The following EDC4 variants were observed in gnomAD, a reference collection of about 807,000 sequenced individuals.
EDC4 encodes enhancer of mRNA-decapping protein 4.
A neutral mutation model predicts 155.8 loss-of-function variants in EDC4; 64 were observed. The observed-to-expected ratio is 0.41, with a 90% CI of 0.34 to 0.51. EDC4 has a LOEUF of 0.51. EDC4 is among the 20% of genes least tolerant of loss of function. The pLI is 0.19. For missense variants in EDC4, 1,303 were observed against 1,812.5 expected, an observed-to-expected ratio of 0.72 and a Z score of 5.10; for synonymous variants, 684 against 716.8, an observed-to-expected ratio of 0.95 and a Z score of 0.73.
Position 67,881,960 on chromosome 16 carries a change from G to A in EDC4, c.3011G>A (p.Arg1004Gln), listed in dbSNP as rs181868536. Residue 1004 changes from arginine (R) to glutamine (Q), a missense_variant, in exon 23 of 29, where the codon CGG becomes CAG. Physicochemically the swap from Arg to Gln is conservative, Grantham distance 43. Transcript: ENST00000358933. The surrounding 1 kb of genome is among the most constrained non-coding windows in gnomAD (Gnocchi z 5.4). ...TTCCTTAGCTATGGCGCAGAGCGGC[G>A]GCTGGAGCGAGCACTGGCTGAGGGG... The part of the protein sequence containing the change: ...LETRHEQEQR[R>Q]LERALAEGQQ... 8.1e-6 allele frequency: 13 copies of A among 1,607,024 alleles called. No individual in the cohort carries two copies. The highest frequency in any genetic ancestry group is 4.4e-5 in the South Asian group (4 of 90,702).
Position 67,881,315 on chromosome 16 carries a change from G to A in EDC4, c.2687G>A (p.Gly896Asp). Reference sequence around the variant, plus strand: ...CTTGCCTCTGCTTCAGGAGGCTTTGGCACCAAAGTTCCTGCTCCACGGCTG... The same window carrying A: ...CTTGCCTCTGCTTCAGGAGGCTTTGACACCAAAGTTCCTGCTCCACGGCTG... ...ASLASASGGF[G>D]TKVPAPRLPA... is the part of the protein sequence containing the mutation. The change falls in exon 20 of 29, where the codon GGC (glycine) becomes GAC (aspartate). Residue 896 changes from glycine to aspartate, a missense_variant. Coordinates refer to ENST00000358933, the MANE Select transcript of EDC4 (RefSeq NM_014329.5). This position sits in a 1 kb window ranked among gnomAD's most constrained non-coding sequence, Gnocchi z 5.4. 3.1e-6 allele frequency: 5 copies of A among 1,614,126 alleles called. No homozygotes were observed. The highest frequency in any genetic ancestry group is 4.2e-6 in the Non-Finnish European group (5 of 1,180,036).
chr16:67,882,076 A>G lies in EDC4; in HGVS notation c.3127A>G (p.Ile1043Val), dbSNP rs760443316. The G allele has an allele frequency of 1.2e-6, 2 of 1,613,824 alleles. No individual in the cohort carries two copies. The highest frequency in any genetic ancestry group is 1.7e-6 in the Non-Finnish European group (2 of 1,179,982). ...TGTAGCTGGGCGGCTAGAGCGCAGC[A>G]TACGGGATGAGATCAAGAAGACAGT... ...SAVAGRLERS[I>V]RDEIKKTVPP... Residue 1043 changes from isoleucine to valine, a missense_variant, in exon 23 of 29, where the codon ATA (isoleucine) becomes GTA (valine). Ile to Val is a conservative substitution (Grantham distance 29). Coordinates refer to ENST00000358933, the MANE Select transcript of EDC4 (RefSeq NM_014329.5). The surrounding 1 kb of genome is among the most constrained non-coding windows in gnomAD (Gnocchi z 7.2).
Position 67,876,929 on chromosome 16 carries a change from C to T in EDC4, c.408C>T (p.Asn136=), listed in dbSNP as rs1349592010. ...YDWEQKYYYG[N]LIAVSNSFLA... Reference sequence around the variant, plus strand: ...GGGAACAGAAGTACTACTATGGCAACCTGATTGCTGTGTCTAACTCCTTCT... The same window carrying T: ...GGGAACAGAAGTACTACTATGGCAATCTGATTGCTGTGTCTAACTCCTTCT... The change falls in exon 4 of 29, where the codon AAC becomes AAT. Residue 136 remains asparagine, a synonymous_variant. Transcript: ENST00000358933. This position sits in a 1 kb window ranked among gnomAD's most constrained non-coding sequence, Gnocchi z 5.8. 6.2e-7 allele frequency: 1 copy of T among 1,614,244 alleles called. No individual in the cohort carries two copies. The highest frequency in any genetic ancestry group is 1.7e-5 in the Admixed American group (1 of 60,026).
chr16:67,882,903 A>G lies in EDC4; in HGVS notation c.3629+38A>G. 1.9e-6 allele frequency: 3 copies of G among 1,614,098 alleles called. No homozygotes were observed. Among genetic ancestry groups the G allele is most frequent in the Non-Finnish European group, 2.5e-6 (3 of 1,179,954 alleles). ...AGTACTGGGCAAGGTGGTGGGCTTG[A>G]GAAAGGCCAGACTAGGCTCCCTGTC... On this transcript the variant is annotated intron_variant, in intron 26 of 28. Transcript: ENST00000358933. This position sits in a 1 kb window ranked among gnomAD's most constrained non-coding sequence, Gnocchi z 7.2.
rs1567392055 is a variant in EDC4 at position 67,882,657 on chromosome 16, A to AG, written c.3443-21dup. On this transcript the variant is annotated intron_variant, in intron 25 of 28. Transcript: ENST00000358933. The surrounding 1 kb of genome is among the most constrained non-coding windows in gnomAD (Gnocchi z 7.2). ...TCCTCTTTCCTACTGTTCCTCTTAT[A>AG]GTCCCTGTGGTCACCCCTCAGACTT... is the stretch of plus-strand genomic sequence containing the variant. 2 of 1,614,200 alleles carry AG rather than the reference A, an allele frequency of 1.2e-6. No individual in the cohort carries two copies. The highest frequency in any genetic ancestry group is 1.7e-6 in the Non-Finnish European group (2 of 1,180,032).
At position 67,879,182 on chromosome 16, in the gene EDC4, G is replaced by A; in HGVS notation, c.1468+45G>A. The A allele has an allele frequency of 6.2e-7, 1 of 1,614,194 alleles. No individual in the cohort carries two copies. On this transcript the variant is annotated intron_variant, in intron 12 of 28. Coordinates refer to ENST00000358933, the MANE Select transcript of EDC4 (RefSeq NM_014329.5). This position sits in a 1 kb window ranked among gnomAD's most constrained non-coding sequence, Gnocchi z 6.0. ...GAGCTATGTGTCCATATATCTAGGG[G>A]GTTGTGGAGGCACAGAGAGGGCCAG...
chr16:67,878,334 C>T lies in EDC4; in HGVS notation c.1005-26C>T, dbSNP rs1225076479. 3 of 1,614,240 alleles carry T rather than the reference C, an allele frequency of 1.9e-6. No homozygotes were observed. Among genetic ancestry groups the T allele is most frequent in the Admixed American group, 3.3e-5 (2 of 60,024 alleles). On this transcript the variant is annotated intron_variant, in intron 8 of 28. Transcript: ENST00000358933. The surrounding 1 kb of genome is among the most constrained non-coding windows in gnomAD (Gnocchi z 5.2). ...GAGGTAGCCCACCCGACCACTCACT[C>T]AGGCCCCTCATCTGCCTACCTGCAG...
rs1350523478 is a variant in EDC4, at chr16:67,884,176, G to T, written c.*28G>T. On this transcript the variant is annotated 3_prime_UTR_variant, in exon 29 of 29. Transcript: ENST00000358933. This position sits in a 1 kb window ranked among gnomAD's most constrained non-coding sequence, Gnocchi z 4.1. Reference sequence around the variant, plus strand: ...GCTAAGCCTGCCTTGCCCAGGGGTGGGATGGCACTGAAGGCCAGCAGACAG... The same window carrying T: ...GCTAAGCCTGCCTTGCCCAGGGGTGTGATGGCACTGAAGGCCAGCAGACAG... 3.2e-6 allele frequency: 5 copies of T among 1,574,642 alleles called. 1 individual carries two copies. The highest frequency in any genetic ancestry group is 1.7e-5 in the Admixed American group (1 of 57,616).
Position 67,878,131 on chromosome 16 carries a change from C to T in EDC4, c.895-35C>T. ...CTCACTTGGGAGGGGCTTGTTCTCA[C>T]CTCTAGTCAGCAAAGCTTTTTGGGT... On this transcript the variant is annotated intron_variant, in intron 7 of 28. Transcript: ENST00000358933. This position sits in a 1 kb window ranked among gnomAD's most constrained non-coding sequence, Gnocchi z 5.2. The T allele has an allele frequency of 6.2e-7, 1 of 1,613,568 alleles. No individual in the cohort carries two copies. The highest frequency in any genetic ancestry group is 1.7e-4 in the Middle Eastern group (1 of 6,056).
rs749599062 is a variant in EDC4 at position 67,879,905 on chromosome 16, G to A, written c.1877G>A (p.Ser626Asn). 52 of 1,613,622 alleles carry A rather than the reference G, an allele frequency of 3.2e-5. No individual in the cohort carries two copies. Among genetic ancestry groups the A allele is most frequent in the Non-Finnish European group, 4.2e-5 (50 of 1,179,942 alleles). ...SSGSSSSSSSSSSSLTAVSAM... is the reference protein window; with the variant it reads ...SSGSSSSSSSNSSSLTAVSAM... ...GGTAGCAGCAGCAGCAGCAGCAGTA[G>A]CAGCAGCTCCCTTACAGCTGTGTCT... is the stretch of plus-strand genomic sequence containing the variant. The change falls in exon 16 of 29, where the codon AGC (serine) becomes AAC (asparagine). Residue 626 changes from serine to asparagine, a missense_variant. Physicochemically the swap from Ser to Asn is conservative, Grantham distance 46 (BLOSUM62 1). This residue lies in a region of EDC4 where 391 missense variants were observed against 445.4 expected (regional missense o/e 0.88). Transcript: ENST00000358933. This position sits in a 1 kb window ranked among gnomAD's most constrained non-coding sequence, Gnocchi z 6.0.
Position 67,873,318 on chromosome 16 carries a change from C to A in EDC4, c.57C>A (p.Ile19=). The A allele has an allele frequency of 6.8e-7, 1 of 1,476,736 alleles. No individual in the cohort carries two copies. The highest frequency in any genetic ancestry group is 9.0e-7 in the Non-Finnish European group (1 of 1,116,864). The allele number at this position is 1,476,736 out of a possible 1,614,324, so 91.5% of individuals were successfully genotyped here. A position where few individuals can be genotyped will look rare whatever the true frequency, so the allele number is the denominator to read the frequency against. ...ACGCCACGCAGCACCTGCGGGACATCCTCAAGCTGGACCGGCCCGCGGGCG... is the reference window on the plus strand; with the variant it reads ...ACGCCACGCAGCACCTGCGGGACATACTCAAGCTGGACCGGCCCGCGGGCG... ...IEDATQHLRD[I]LKLDRPAGGP... The change falls in exon 1 of 29, where the codon ATC becomes ATA. Residue 19 remains isoleucine (I), a synonymous_variant. Coordinates refer to ENST00000358933, the MANE Select transcript of EDC4 (RefSeq NM_014329.5).
rs753919917 is a variant in EDC4, at chr16:67,877,432, G to T, written c.641+26G>T. ...GTATCCATTCCTTCCTGTGGGTGGT[G>T]GGACTGAAGAAGGGTGGGCGGAGCT... On this transcript the variant is annotated intron_variant, in intron 5 of 28. Coordinates refer to ENST00000358933, the MANE Select transcript of EDC4 (RefSeq NM_014329.5). The surrounding 1 kb of genome is among the most constrained non-coding windows in gnomAD (Gnocchi z 4.9). 6.2e-7 allele frequency: 1 copy of T among 1,610,972 alleles called. No homozygotes were observed. Among genetic ancestry groups the T allele is most frequent in the Non-Finnish European group, 8.5e-7 (1 of 1,177,946 alleles).
chr16:67,879,455 C>T lies in EDC4; in HGVS notation c.1585C>T (p.Pro529Ser), dbSNP rs941033246. 9.3e-6 allele frequency: 15 copies of T among 1,614,044 alleles called. No individual in the cohort carries two copies. The highest frequency in any genetic ancestry group is 1.3e-5 in the African/African-American group (1 of 74,894). Residue 529 changes from proline (P) to serine (S), a missense_variant, in exon 14 of 29, where the codon CCT (proline) becomes TCT (serine). Physicochemically the swap from Pro to Ser is moderately conservative, Grantham distance 74. This residue lies in a region of EDC4 where 391 missense variants were observed against 445.4 expected (regional missense o/e 0.88). Transcript: ENST00000358933. The surrounding 1 kb of genome is among the most constrained non-coding windows in gnomAD (Gnocchi z 6.0). ...VQIRFQPQLNPDVVAPLPTHT... is the reference protein window; with the variant it reads ...VQIRFQPQLNSDVVAPLPTHT... ...GATCCGCTTCCAGCCACAGCTGAAC[C>T]CTGATGTGGTGGCCCCACTGCCCAC...
chr16:67,878,037 AC>A lies in EDC4; in HGVS notation c.895-126del. On this transcript the variant is annotated intron_variant, in intron 7 of 28. Coordinates refer to ENST00000358933, the MANE Select transcript of EDC4 (RefSeq NM_014329.5). The surrounding 1 kb of genome is among the most constrained non-coding windows in gnomAD (Gnocchi z 5.2). ...CCTGCAGGTCTGGCCTTCTCTAGGA[AC>A]CCTGTTCATTTAGTCAGTCACACAA... 6.6e-7 allele frequency: 1 copy of A among 1,508,508 alleles called. No individual in the cohort carries two copies. Among genetic ancestry groups the A allele is most frequent in the Non-Finnish European group, 8.9e-7 (1 of 1,122,218 alleles). The allele number at this position is 1,508,508 out of a possible 1,614,324, so 93.4% of individuals were successfully genotyped here.
Position 67,882,231 on chromosome 16 carries a change from G to A in EDC4, c.3180G>A (p.Glu1060=). 6.2e-7 allele frequency: 1 copy of A among 1,613,850 alleles called. No homozygotes were observed. The highest frequency in any genetic ancestry group is 1.1e-5 in the South Asian group (1 of 91,038). The change falls in exon 24 of 29, where the codon GAG becomes GAA. Residue 1060 remains glutamate, a synonymous_variant. Coordinates refer to ENST00000358933, the MANE Select transcript of EDC4 (RefSeq NM_014329.5). The surrounding 1 kb of genome is among the most constrained non-coding windows in gnomAD (Gnocchi z 7.2). ...TVPPCVSRSL[E]PMAGQLSNSV... is the part of the protein sequence containing the mutation. ...TCCCAGGTGTCTCAAGGAGTCTGGA[G>A]CCTATGGCAGGCCAACTGAGCAACT...
In EDC4 at chr16:67,878,471, G is replaced by A; in HGVS notation, c.1088+28G>A. On this transcript the variant is annotated intron_variant, in intron 9 of 28. Coordinates refer to ENST00000358933, the MANE Select transcript of EDC4 (RefSeq NM_014329.5). This position sits in a 1 kb window ranked among gnomAD's most constrained non-coding sequence, Gnocchi z 5.2. ...GAGTGAGTGGGCAGCCTAGTGGGTGGTGGGCTGGACCATGGCTCCCAGCAG... is the reference window on the plus strand; with the variant it reads ...GAGTGAGTGGGCAGCCTAGTGGGTGATGGGCTGGACCATGGCTCCCAGCAG... The A allele has an allele frequency of 6.2e-7, 1 of 1,614,204 alleles. No homozygotes were observed. The highest frequency in any genetic ancestry group is 8.5e-7 in the Non-Finnish European group (1 of 1,180,020).
At position 67,883,990 on chromosome 16, in the gene EDC4, A is replaced by G. The variant is rs367907090; in HGVS notation, c.4048A>G (p.Ser1350Gly). The change falls in exon 29 of 29, where the codon AGT (serine) becomes GGT (glycine). Residue 1350 changes from serine (S) to glycine (G), a missense_variant. Transcript: ENST00000358933. The surrounding 1 kb of genome is among the most constrained non-coding windows in gnomAD (Gnocchi z 5.3). ...LEEAVMHLDH[S>G]DPITRDHMGS... ...AGAGGCCGTGATGCACCTGGACCAC[A>G]GTGACCCCATCACTCGGGACCACAT... 1 of 1,612,868 alleles carries G rather than the reference A, an allele frequency of 6.2e-7. No individual in the cohort carries two copies. Among genetic ancestry groups the G allele is most frequent in the East Asian group, 2.2e-5 (1 of 44,870 alleles).
At position 67,874,221 on chromosome 16, in the gene EDC4, C is replaced by T. The variant is rs111764095; in HGVS notation, c.82+878C>T. ...CACCTATTAGGAAGAGGAAATAGCA[C>T]GTGTGCAGGCACTAGTTTACTGACA... On this transcript the variant is annotated intron_variant, in intron 1 of 28. Coordinates refer to ENST00000358933, the MANE Select transcript of EDC4 (RefSeq NM_014329.5). Among the ~76,000 whole-genome samples the T allele has an allele frequency of 3.7e-3, 562 of 152,244 alleles. 1 individual carries two copies. Among genetic ancestry groups the T allele is most frequent in the Middle Eastern group, 6.8e-3 (2 of 294 alleles).
chr16:67,883,942 C>T lies in EDC4; in HGVS notation c.4014-14C>T. On this transcript the variant is annotated splice_polypyrimidine_tract_variant and intron_variant, in intron 28 of 28. Coordinates refer to ENST00000358933, the MANE Select transcript of EDC4 (RefSeq NM_014329.5). This position sits in a 1 kb window ranked among gnomAD's most constrained non-coding sequence, Gnocchi z 5.3. ...GCACCCACCTGTAGCCTGTCCTTTC[C>T]CCCCCATCCCCAGCTACCTGGAAGA... The T allele has an allele frequency of 4.4e-6, 7 of 1,583,246 alleles. No individual in the cohort carries two copies. The highest frequency in any genetic ancestry group is 6.0e-6 in the Non-Finnish European group (7 of 1,160,856).
Sources: allele counts gnomAD v4.1 joint callset (sites outside exome capture counted in the v4.1 genomes callset), GRCh38; gene constraint gnomAD v4.1.1; regional missense constraint gnomAD v4.1.1; non-coding constraint Gnocchi (gnomAD v3.1); transcripts MANE v1.5; gene names NCBI Gene and HGNC (gene_info 2026-07-23, HGNC 2026-07-21).